The following SCN11A variants were observed in gnomAD, a reference collection of about 807,000 sequenced individuals.
The protein encoded by SCN11A is sodium channel protein type 11 subunit alpha.
Under a neutral mutation model 162.2 loss-of-function variants are expected in SCN11A, and 122 were observed. The observed-to-expected ratio is 0.75, with a 90% CI of 0.65 to 0.87. The LOEUF (loss-of-function observed/expected upper bound fraction) is 0.87, where lower values mean the gene tolerates loss of function less well. Among genes scored for constraint, SCN11A ranks in the 40% least tolerant of loss-of-function variants. The probability of loss-of-function intolerance (pLI) is 0.00; values close to 1 mark genes in which losing one functional copy is unlikely to be tolerated. For missense variants in SCN11A, 2,015 were observed against 2,181.6 expected, an observed-to-expected ratio of 0.92 and a Z score of 1.52; for synonymous variants, 758 against 751.5, an observed-to-expected ratio of 1.01 and a Z score of -0.14.
chr3:38,974,223 A>T, intron 2 of SCN11A, among the ~76,000 whole-genome samples: 1 of 152,236 alleles, frequency 6.6e-6, no homozygotes, highest in Non-Finnish European at 1.5e-5. Context: ...AGAAATAAAA[A>T]TAATTAGCAA....
chr3:39,036,291 T>C (rs935675232), intron 1 of SCN11A, among the ~76,000 whole-genome samples: 2 of 152,152 alleles, frequency 1.3e-5, no homozygotes, highest in Admixed American at 6.5e-5. Flanking sequence ...ATTATAGCCA[T>C]GCCCCACCAC....
chr3:39,027,112 A>G (rs1239234954), intron 2 of SCN11A, among the ~76,000 whole-genome samples: 1 of 147,536 alleles, frequency 6.8e-6, no homozygotes, highest in Non-Finnish European at 1.5e-5. Context: ...ACTCTACTAG[A>G]AAAAAAAAAT....
chr3:38,932,322 A>G (rs2066253805), intron 7 of SCN11A, among the ~76,000 whole-genome samples: 1 of 152,208 alleles, frequency 6.6e-6, no homozygotes, highest in Admixed American at 6.5e-5. Flanking sequence ...CTGCATTTCC[A>G]TCTGAGGTAA....
chr3:38,916,415 T>G (rs1356370438), intron 11 of SCN11A, among the ~76,000 whole-genome samples: 1 of 152,246 alleles, frequency 6.6e-6, no homozygotes, highest in African/African-American at 2.4e-5. Flanking sequence ...CCTTATTCTT[T>G]CTACCACAGT....
At chr3:38,852,886 G>A (rs1251441009) in intron 28 of SCN11A, among the ~76,000 whole-genome samples, 1 of 152,184 alleles carries the variant, frequency 6.6e-6, no homozygotes, top group African/African-American at 2.4e-5. Context: ...GAATATAAAA[G>A]TCAAGATAAA....
chr3:38,902,595 G>A (rs146658125), intron 16 of SCN11A, among the ~76,000 whole-genome samples: 10 of 151,426 alleles, frequency 6.6e-5, no homozygotes, highest in Non-Finnish European at 7.4e-5. Flanking sequence ...TCGGCTCACT[G>A]CAAGATCCGC....
chr3:39,004,904 T>A (rs543095334), intron 2 of SCN11A, among the ~76,000 whole-genome samples: 6 of 152,292 alleles, frequency 3.9e-5, no homozygotes, highest in Admixed American at 3.9e-4. Context: ...CACCGAATTG[T>A]AGAAGGAAGG....
At chr3:38,949,311 G>A (rs111401797) in intron 5 of SCN11A, among the ~76,000 whole-genome samples, 1,838 of 152,334 alleles carry the variant, frequency 0.012, 36 homozygotes, top group African/African-American at 0.041. Context: ...TCATGTGGGA[G>A]CTCAAAGTTT....
rs373145656 is a variant in SCN11A, at chr3:38,894,849, C to T, written c.2519G>A (p.Arg840His). The change falls in exon 19 of 30, where the codon CGC becomes CAC. Residue 840 changes from arginine to histidine, a missense_variant. Arg to His is a conservative substitution (Grantham distance 29). Coordinates refer to ENST00000302328, the MANE Select transcript of SCN11A (RefSeq NM_001349253.2). ...TKVQLALDRF[R>H]RAFCFVRHTL... ...GTGTCTCACAAAACAAAAAGCCCGG[C>T]GGAATCGATCCAGTGCTAACTGGAC... 28 of 1,614,050 alleles carry T rather than the reference C, an allele frequency of 1.7e-5. No individual in the cohort carries two copies. The African/African-American group carries it at 2.1e-4, about 12-fold the overall frequency.
chr3:38,997,981 T>C (rs1317418104), intron 2 of SCN11A, among the ~76,000 whole-genome samples: 2 of 152,186 alleles, frequency 1.3e-5, no homozygotes, highest in African/African-American at 4.8e-5. Flanking sequence ...TAAAAATAAA[T>C]GTATTAAATA....
intron 7 of SCN11A, among the ~76,000 whole-genome samples, chr3:38,940,503 A>G (rs1185134015): frequency 2.0e-5 from 3 of 152,224 alleles, no homozygotes; most frequent in Non-Finnish European, 4.4e-5. Context: ...TGGAAGAGAA[A>G]AGAAAGTCCA....
chr3:38,943,175 T>C (rs1039607496), intron 7 of SCN11A, among the ~76,000 whole-genome samples: 1 of 152,072 alleles, frequency 6.6e-6, no homozygotes, highest in Non-Finnish European at 1.5e-5. Flanking sequence ...CATGGATGCA[T>C]CTCAAAGCAT....
intron 1 of SCN11A, among the ~76,000 whole-genome samples, chr3:39,037,042 T>C (rs1341470431): frequency 6.6e-6 from 1 of 152,248 alleles, no homozygotes; most frequent in Admixed American, 6.5e-5. Flanking sequence ...ATTGCAGCTC[T>C]ACTCATAATA....
intron 2 of SCN11A, among the ~76,000 whole-genome samples, chr3:38,973,950 G>T (rs1016391465): frequency 3.3e-5 from 5 of 152,298 alleles, no homozygotes; most frequent in Admixed American, 6.5e-5. Flanking sequence ...TTTCTGAAGG[G>T]GTTGTACTGT....
In SCN11A at chr3:38,847,380, T is replaced by C; in HGVS notation, c.4690A>G (p.Lys1564Glu). The change falls in exon 30 of 30, where the codon AAA becomes GAA. Residue 1564 changes from lysine (K) to glutamate (E), a missense_variant. Lys to Glu is a moderately conservative substitution (Grantham distance 56, BLOSUM62 1). Coordinates refer to ENST00000302328, the MANE Select transcript of SCN11A (RefSeq NM_001349253.2). ...TCTGAGGAAGAGTTACATGATTCTTTTGATCGCAGCATGGGGCTGAGCAGG... is the reference window on the plus strand; with the variant it reads ...TCTGAGGAAGAGTTACATGATTCTTCTGATCGCAGCATGGGGCTGAGCAGG... ...DSLLSPMLRS[K>E]ESCNSSSENC... 1 of 1,614,166 alleles carries C rather than the reference T, an allele frequency of 6.2e-7. No individual in the cohort carries two copies. Among genetic ancestry groups the C allele is most frequent in the Non-Finnish European group, 8.5e-7 (1 of 1,180,000 alleles).
Position 38,950,181 on chromosome 3 carries a change from T to C in SCN11A, c.182A>G (p.Lys61Arg), listed in dbSNP as rs2066588958. Residue 61 changes from lysine (K) to arginine (R), a missense_variant, in exon 5 of 30, where the codon AAG becomes AGG. By Grantham distance (26) the Lys-to-Arg change is conservative. Coordinates refer to ENST00000302328, the MANE Select transcript of SCN11A (RefSeq NM_001349253.2). ...AATGTCGCCATAGAGCTTGGGCAAC[T>C]TCCTGGAGGCCTTTAGGTCAAGCTG... ...RPQLDLKASRKLPKLYGDIPR... is the reference protein window; with the variant it reads ...RPQLDLKASRRLPKLYGDIPR... 6.2e-7 allele frequency: 1 copy of C among 1,612,910 alleles called. No individual in the cohort carries two copies. Among genetic ancestry groups the C allele is most frequent in the African/African-American group, 1.3e-5 (1 of 74,756 alleles).
chr3:38,903,955 G>C lies in SCN11A; in HGVS notation c.1752C>G (p.Thr584=). 1.9e-6 allele frequency: 3 copies of C among 1,614,036 alleles called. No individual in the cohort carries two copies. Among genetic ancestry groups the C allele is most frequent in the Non-Finnish European group, 2.5e-6 (3 of 1,179,968 alleles). ...AGACAGTGTTGATGATGATGCAGAT[G>C]GTGATGGCCAGCTCAGTAAACGGGT... ...MTDPFTELAI[T]ICIIINTVFL... The change falls in exon 16 of 30, where the codon ACC becomes ACG. Residue 584 remains threonine, a synonymous_variant. Transcript: ENST00000302328.
intron 3 of SCN11A, among the ~76,000 whole-genome samples, chr3:38,955,332 A>T (rs1385228986): frequency 6.6e-6 from 1 of 152,218 alleles, no homozygotes; most frequent in Non-Finnish European, 1.5e-5. Flanking sequence ...TTGACCCAGG[A>T]AAAGGAAAAC....
intron 3 of SCN11A, among the ~76,000 whole-genome samples, chr3:38,956,460 C>T (rs923958263): frequency 6.6e-6 from 1 of 152,104 alleles, no homozygotes; most frequent in Non-Finnish European, 1.5e-5. Context: ...ACAAAGCCAA[C>T]TAAATGATTT....
Sources: gnomAD v4.1 joint callset for allele counts (sites outside exome capture counted in the v4.1 genomes callset) on GRCh38, gnomAD v4.1.1 for gene constraint, MANE v1.5 for transcripts, NCBI Gene and HGNC (gene_info 2026-07-23, HGNC 2026-07-21) for gene names.